RELN: variants seen among roughly 807,000 people sequenced by gnomAD.
The protein encoded by RELN is reelin.
Under a neutral mutation model 427.6 loss-of-function variants are expected in RELN, and 108 were observed. That is an observed-to-expected ratio of 0.25 (90% CI 0.22 to 0.30). The LOEUF (loss-of-function observed/expected upper bound fraction) is 0.30, where lower values mean the gene tolerates loss of function less well. Ranked by LOEUF, RELN falls within the 10% of genes least tolerant of loss-of-function variation. The probability of loss-of-function intolerance (pLI) is 1.00; values close to 1 mark genes in which losing one functional copy is unlikely to be tolerated. For missense variants in RELN, 3,715 were observed against 4,302.8 expected, an observed-to-expected ratio of 0.86 and a Z score of 3.82; for synonymous variants, 1,524 against 1,513.4, an observed-to-expected ratio of 1.01 and a Z score of -0.16.
At chr7:103,480,297 T>A (rs1828187337) in intron 63 of RELN, among the ~76,000 whole-genome samples, 1 of 152,226 alleles carries the variant, frequency 6.6e-6, no homozygotes, top group Non-Finnish European at 1.5e-5. Context: ...ACATGAACCT[T>A]GGCTCTAGCT....
At chr7:103,935,614 T>A (rs1795964620) in intron 1 of RELN, among the ~76,000 whole-genome samples, 1 of 152,144 alleles carries the variant, frequency 6.6e-6, no homozygotes, top group Admixed American at 6.6e-5. Context: ...CAAATCTCCC[T>A]CCTTTAAGCT....
chr7:103,878,719 G>T (rs1794541079), intron 2 of RELN, among the ~76,000 whole-genome samples: 1 of 152,168 alleles, frequency 6.6e-6, no homozygotes, highest in South Asian at 2.1e-4. Context: ...CAAAACACTA[G>T]AATTCAGTAA....
chr7:103,652,514 T>G, intron 14 of RELN, 37 bp downstream of exon 14: 1 of 1,549,222 alleles, frequency 6.5e-7, no homozygotes, highest in South Asian at 1.1e-5. Context: ...GCAAACTCAT[T>G]TTTAGTTTTG....
At chr7:103,853,334 C>T (rs1793869378) in intron 2 of RELN, among the ~76,000 whole-genome samples, 1 of 151,978 alleles carries the variant, frequency 6.6e-6, no homozygotes, top group Admixed American at 6.6e-5. Context: ...TGTTTCTCCC[C>T]TGTAGCTTTC....
chr7:103,707,111 C>T (rs988204197), intron 8 of RELN, among the ~76,000 whole-genome samples: 1 of 152,124 alleles, frequency 6.6e-6, no homozygotes, highest in Admixed American at 6.5e-5. Flanking sequence ...GTAGTTGGGA[C>T]TACAAGTGTG....
At chr7:103,517,174 C>T (rs1326658745) in intron 49 of RELN, among the ~76,000 whole-genome samples, 1 of 150,462 alleles carries the variant, frequency 6.6e-6, no homozygotes, top group East Asian at 1.9e-4. Context: ...GTCTTCCCTG[C>T]ACCTTTTTTT....
At chr7:103,878,483 T>C (rs960279177) in intron 2 of RELN, among the ~76,000 whole-genome samples, 8 of 152,138 alleles carry the variant, frequency 5.3e-5, no homozygotes, top group Non-Finnish European at 7.4e-5. Context: ...CATCCAGTAA[T>C]GTGATGGAGG....
At chr7:103,656,565 G>T (rs972680988) in intron 12 of RELN, among the ~76,000 whole-genome samples, 1 of 152,024 alleles carries the variant, frequency 6.6e-6, no homozygotes. Context: ...TGGTCTGAAA[G>T]GTTTTACAGG....
Position 103,539,198 on chromosome 7 carries a change from G to A in RELN, c.7060C>T (p.Leu2354=), listed in dbSNP as rs1365919882. The A allele has an allele frequency of 1.2e-6, 2 of 1,614,246 alleles. No homozygotes were observed. The highest frequency in any genetic ancestry group is 1.7e-6 in the Non-Finnish European group (2 of 1,180,044). ...MPVCGSTGDA[L]VFIEKASTRY... is the part of the protein sequence containing the mutation. ...GTGCTGGCCTTTTCAATGAAGACCA[G>A]GGCATCACCAGTAGAGCCACACACG... The change falls in exon 45 of 65, where the codon CTG becomes TTG. Residue 2354 remains leucine, a synonymous_variant. Coordinates refer to ENST00000428762, the MANE Select transcript of RELN (RefSeq NM_005045.4).
chr7:103,653,135 G>A (rs901652558), intron 13 of RELN, among the ~76,000 whole-genome samples: 38 of 152,024 alleles, frequency 2.5e-4, no homozygotes, highest in Non-Finnish European at 4.6e-4. Context: ...TTTGAAAGTG[G>A]ATTGGTATCA....
Position 103,472,768 on chromosome 7 carries a change from A to G in RELN, c.*44T>C, listed in dbSNP as rs569476471. The G allele has an allele frequency of 7.2e-7, 1 of 1,396,124 alleles. No individual in the cohort carries two copies. The highest frequency in any genetic ancestry group is 1.7e-5 in the Admixed American group (1 of 59,536). 86.5% of individuals were successfully genotyped at this position (1,396,124 alleles called of 1,614,324 possible). On this transcript the variant is annotated 3_prime_UTR_variant, in exon 65 of 65. Coordinates refer to ENST00000428762, the MANE Select transcript of RELN (RefSeq NM_005045.4). ...TGCGAGATTTAAAAGAATGGAGAGC[A>G]ACACATCACATGTTGGAAGAAAAAA...
intron 2 of RELN, among the ~76,000 whole-genome samples, chr7:103,872,059 T>A (rs1470168356): frequency 6.9e-6 from 1 of 144,620 alleles, no homozygotes; most frequent in Non-Finnish European, 1.5e-5. Flanking sequence ...TTTCTTTTTT[T>A]ATTTATTTAT....
Position 103,495,258 on chromosome 7 carries a change from C to T in RELN, c.9369+465G>A, listed in dbSNP as rs530304634. On this transcript the variant is annotated intron_variant, in intron 57 of 64. Coordinates refer to ENST00000428762, the MANE Select transcript of RELN (RefSeq NM_005045.4). ...TATGATCTTGCCTCTCAGGTTTCAG[C>T]GATTATTATTTCTCAGCCTCCCAAG... Among the ~76,000 whole-genome samples, 26 of 146,372 alleles carry T rather than the reference C, an allele frequency of 1.8e-4. No individual in the cohort carries two copies. In the South Asian group the frequency reaches 4.1e-3, roughly 23 times the overall value.
chr7:103,611,481 C>A, intron 21 of RELN, 130 bp downstream of exon 21: 1 of 696,322 alleles, frequency 1.4e-6, no homozygotes. Context: ...TTCTAAGTTA[C>A]AAATATTAAA....
At chr7:103,982,511 G>C (rs2116845071) in intron 1 of RELN, among the ~76,000 whole-genome samples, 1 of 152,192 alleles carries the variant, frequency 6.6e-6, no homozygotes, top group South Asian at 2.1e-4. Context: ...GGAAGAAAGT[G>C]AAAGAATTTA....
At chr7:103,635,944 A>G (rs1054739653) in intron 18 of RELN, among the ~76,000 whole-genome samples, 1 of 152,312 alleles carries the variant, frequency 6.6e-6, no homozygotes, top group Middle Eastern at 3.4e-3. Context: ...CTGTCAAATC[A>G]ATAAAACTAC....
At chr7:103,665,051 TAA>T in intron 11 of RELN, among the ~76,000 whole-genome samples, 1 of 152,178 alleles carries the variant, frequency 6.6e-6, no homozygotes, top group Non-Finnish European at 1.5e-5. Context: ...TATTTTCTTC[TAA>T]AAGTTTTAAA....
intron 1 of RELN, among the ~76,000 whole-genome samples, chr7:103,961,709 G>A (rs561908399): frequency 1.2e-4 from 19 of 152,228 alleles, no homozygotes; most frequent in African/African-American, 4.1e-4. Flanking sequence ...TTACCTCTAA[G>A]GCCTTGGGAA....
intron 6 of RELN, among the ~76,000 whole-genome samples, chr7:103,740,282 G>C (rs1308109142): frequency 6.6e-6 from 1 of 152,202 alleles, no homozygotes; most frequent in East Asian, 1.9e-4. Flanking sequence ...TTTCTGGACA[G>C]AATTCATAAC....
Sources: allele counts gnomAD v4.1 joint callset (sites outside exome capture counted in the v4.1 genomes callset), GRCh38; gene constraint gnomAD v4.1.1; transcripts MANE v1.5; gene names NCBI Gene and HGNC (gene_info 2026-07-23, HGNC 2026-07-21).